Variants in FABP6 observed in about 807,000 individuals in gnomAD.
FABP6 encodes the protein fatty acid binding protein 6, also known as gastrotropin.
A neutral mutation model predicts 14.9 loss-of-function variants in FABP6; 13 were observed. The ratio of observed to expected loss-of-function variants is 0.87; its 90% confidence interval spans 0.57 to 1.39. FABP6 has a LOEUF of 1.39. Among genes scored for constraint, FABP6 ranks in the 40% most tolerant of loss-of-function variants. FABP6 has a pLI of 0.00. For synonymous variants in FABP6, 75 were observed against 63.6 expected, an observed-to-expected ratio of 1.18 and a Z score of -0.85; for missense variants, 161 against 167.2, an observed-to-expected ratio of 0.96 and a Z score of 0.20.
intron 2 of FABP6, among the ~76,000 whole-genome samples, chr5:160,234,383 T>A (rs1186794521): frequency 8.0e-5 from 6 of 74,576 alleles, no homozygotes; most frequent in Non-Finnish European, 1.7e-4. Context: ...AATCTGACTT[T>A]TTTTTTTTTT....
chr5:160,204,971 G>T (rs996574533), intron 2 of FABP6: 1 of 151,958 alleles, frequency 6.6e-6, no homozygotes, highest in Non-Finnish European at 1.5e-5. Context: ...TCTGGGGGTT[G>T]GAAAGAAAGG....
chr5:160,206,477 A>G (rs4568401), intron 2 of FABP6, among the ~76,000 whole-genome samples: 133,600 of 152,136 alleles, frequency 0.88, 58,823 homozygotes, highest in Non-Finnish European at 0.91. Context: ...ACATGTATCC[A>G]CAGTGATTCA....
chr5:160,218,225 C>G (rs1049972987), intron 3 of FABP6, among the ~76,000 whole-genome samples: 1 of 152,082 alleles, frequency 6.6e-6, no homozygotes, highest in Non-Finnish European at 1.5e-5. Context: ...CCACCCCTGG[C>G]TGAACTCACT....
chr5:160,205,286 TTA>T (rs1451523813), intron 2 of FABP6, among the ~76,000 whole-genome samples: 1 of 140,624 alleles, frequency 7.1e-6, no homozygotes, highest in Non-Finnish European at 1.5e-5. Context: ...CCACTGCACT[TTA>T]GCCTGGGTGA....
At chr5:160,217,197 T>C (rs765041693) in intron 3 of FABP6, among the ~76,000 whole-genome samples, 3 of 152,172 alleles carry the variant, frequency 2.0e-5, no homozygotes, top group Non-Finnish European at 4.4e-5. Context: ...CAAGTTTTGT[T>C]GAGGGCAGAA....
chr5:160,218,461 C>CTTTTTT lies in FABP6; in HGVS notation c.135+4654_135+4659dup, dbSNP rs10692189. 5.4e-4 allele frequency among the ~76,000 whole-genome samples: 63 copies of CTTTTTT among 116,404 alleles called. 4 individuals are homozygous for CTTTTTT. The highest frequency in any genetic ancestry group is 6.9e-4 in the Non-Finnish European group (41 of 59,816). 76.4% of individuals were successfully genotyped at this position (116,404 alleles called of 152,430 possible). A position where few individuals can be genotyped will look rare whatever the true frequency, so the allele number is the denominator to read the frequency against. The stretch of plus-strand genomic sequence containing the variant: ...TGGATTTTCTTATCTTAGTCTTTGA[C>CTTTTTT]TTTTTTTTTTTTTTTTTGAGATGGA... On this transcript the variant is annotated intron_variant, in intron 3 of 6. Transcript: ENST00000393980.
intron 2 of FABP6, among the ~76,000 whole-genome samples, chr5:160,200,397 G>A (rs569798237): frequency 6.8e-6 from 1 of 146,408 alleles, no homozygotes; most frequent in Non-Finnish European, 1.5e-5. Context: ...GCAAACGCCC[G>A]TTGAGTCCTT....
intron 2 of FABP6, among the ~76,000 whole-genome samples, chr5:160,205,145 G>A (rs985284156): frequency 3.3e-5 from 5 of 151,882 alleles, no homozygotes; most frequent in Admixed American, 2.0e-4. Context: ...GATAAGGGCC[G>A]AGTCTTCCAT....
intron 1 of FABP6, among the ~76,000 whole-genome samples, chr5:160,193,131 T>G (rs896671520): frequency 6.6e-6 from 1 of 152,144 alleles, no homozygotes; most frequent in African/African-American, 2.4e-5. Context: ...GCTCTTAAGG[T>G]GGCACGTCTG....
chr5:160,212,896 T>A (rs1351419248), intron 2 of FABP6, among the ~76,000 whole-genome samples: 1 of 152,108 alleles, frequency 6.6e-6, no homozygotes, highest in Non-Finnish European at 1.5e-5. Context: ...GGATTACAGG[T>A]GTGAGCCACT....
At chr5:160,232,430 T>G (rs1400748704) in intron 2 of FABP6, among the ~76,000 whole-genome samples, 157 bp downstream of exon 2, 1 of 152,210 alleles carries the variant, frequency 6.6e-6, no homozygotes, top group African/African-American at 2.4e-5. Flanking sequence ...GCTCCTGATT[T>G]TTAATGGTCA....
In FABP6 at chr5:160,232,099, G is replaced by T; in HGVS notation, c.69G>T (p.Gly23=). 1 of 1,613,846 alleles carries T rather than the reference G, an allele frequency of 6.2e-7. No individual in the cohort carries two copies. Among genetic ancestry groups the T allele is most frequent in the Non-Finnish European group, 8.5e-7 (1 of 1,179,932 alleles). The change falls in exon 2 of 4, where the codon GGG becomes GGT. Residue 23 remains glycine, a splice_region_variant and synonymous_variant. Coordinates refer to ENST00000402432, the MANE Select transcript of FABP6 (RefSeq NM_001445.3). ...TACTCTGCTTGTCCCCGGGTCCAGG[G>T]ATCTCCAGCGATGTAATCGAAAAGG... ...KNYDEFMKLL[G]ISSDVIEKAR...
At chr5:160,216,339 C>G (rs1008610974) in intron 3 of FABP6, among the ~76,000 whole-genome samples, 3 of 151,688 alleles carry the variant, frequency 2.0e-5, no homozygotes, top group Non-Finnish European at 4.4e-5. Context: ...ACAATCTCAG[C>G]TCACTGCAAC....
At position 160,229,765 on chromosome 5, in the gene FABP6, A is replaced by T. The variant is rs978559176; in HGVS notation, c.67+141A>T. On this transcript the variant is annotated intron_variant, in intron 1 of 3. Transcript: ENST00000402432. The stretch of plus-strand genomic sequence containing the variant: ...CATTCATTCATTCACACATTTGTTG[A>T]GCAACTGCTTTCTCCCAGGCTCTGA... The T allele has an allele frequency of 1.5e-5, 10 of 650,920 alleles. No individual in the cohort carries two copies. In the African/African-American group the frequency reaches 1.8e-4, roughly 12 times the overall value. The allele number at this position is 650,920 out of a possible 1,614,324, so 40.3% of individuals were successfully genotyped here.
intron 3 of FABP6, among the ~76,000 whole-genome samples, chr5:160,222,338 C>G (rs1055129429): frequency 2.0e-5 from 3 of 151,956 alleles, no homozygotes; most frequent in Admixed American, 1.3e-4. Flanking sequence ...TTCTTCTTCT[C>G]TTTCTTTTCT....
intron 2 of FABP6, among the ~76,000 whole-genome samples, chr5:160,207,485 TC>T (rs1289024469): frequency 6.6e-6 from 1 of 152,234 alleles, no homozygotes; most frequent in Non-Finnish European, 1.5e-5. Context: ...CCAAGGACAT[TC>T]TTGCTAAATT....
At chr5:160,221,565 A>T (rs563502812) in intron 3 of FABP6, among the ~76,000 whole-genome samples, 2 of 152,056 alleles carry the variant, frequency 1.3e-5, no homozygotes, top group Non-Finnish European at 2.9e-5. Flanking sequence ...TTGCATCTCC[A>T]TTACCGTGGT....
chr5:160,192,801 G>A (rs1759423856), intron 1 of FABP6, among the ~76,000 whole-genome samples: 1 of 152,236 alleles, frequency 6.6e-6, no homozygotes, highest in South Asian at 2.1e-4. Flanking sequence ...TAATGCCAGT[G>A]TGGCTCCTGG....
chr5:160,191,805 C>A (rs1344588624), intron 1 of FABP6, among the ~76,000 whole-genome samples: 194 of 130,078 alleles, frequency 1.5e-3, no homozygotes, highest in African/African-American at 1.5e-3. Flanking sequence ...ACTAAAAATA[C>A]AAAAAAAAAA....
Sources: gnomAD v4.1 joint callset for allele counts (sites outside exome capture counted in the v4.1 genomes callset) on GRCh38, gnomAD v4.1.1 for gene constraint, MANE v1.5 for transcripts, NCBI Gene and HGNC (gene_info 2026-07-23, HGNC 2026-07-21) for gene names.